The following PCDH17 variants were observed in gnomAD, a reference collection of about 807,000 sequenced individuals.
PCDH17 encodes protocadherin 17, also known as protocadherin-17.
In PCDH17, 21 loss-of-function variants were observed where a neutral mutation model predicts 67.7. That is an observed-to-expected ratio of 0.31 (90% CI 0.22 to 0.45). The LOEUF (loss-of-function observed/expected upper bound fraction) is 0.45, where lower values mean the gene tolerates loss of function less well. Ranked by LOEUF, PCDH17 falls within the 20% of genes least tolerant of loss-of-function variation. The pLI is 1.00. For missense variants in PCDH17, 1,471 were observed against 1,564.8 expected (o/e 0.94, Z 1.01); for synonymous variants, 701 against 656.7 (o/e 1.07, Z -1.03).
rs149817218 is a variant in PCDH17, at chr13:57,723,882, A to G, written c.2798-730A>G. 1.1e-4 allele frequency among the ~76,000 whole-genome samples: 16 copies of G among 152,334 alleles called. No individual in the cohort carries two copies. The East Asian group carries it at 2.9e-3, about 28-fold the overall frequency. ...GAAAGCATTATTATTTAAAATGGGA[A>G]ATCATGATTTGTCATTCATTCTGAC... On this transcript the variant is annotated intron_variant, in intron 3 of 3. Coordinates refer to ENST00000377918, the MANE Select transcript of PCDH17 (RefSeq NM_001040429.3).
intron 3 of PCDH17, among the ~76,000 whole-genome samples, chr13:57,676,023 G>A (rs1955387798): frequency 6.6e-6 from 1 of 151,820 alleles, no homozygotes. Context: ...CTTGAAATTA[G>A]TTTTTGGGAT....
In PCDH17 at chr13:57,726,036, A is replaced by T. The variant is rs1007850749; in HGVS notation, c.*742A>T. On this transcript the variant is annotated 3_prime_UTR_variant, in exon 4 of 4. Transcript: ENST00000377918. Reference sequence around the variant, plus strand: ...AATTCACGTCATTAAAGAAGAAGAAAACTTAAAGATTTAAAATGCCTATTT... The same window carrying T: ...AATTCACGTCATTAAAGAAGAAGAATACTTAAAGATTTAAAATGCCTATTT... 2.6e-5 allele frequency: 4 copies of T among 152,570 alleles called. No homozygotes were observed. The highest frequency in any genetic ancestry group is 9.6e-5 in the African/African-American group (4 of 41,468). 9.5% of individuals were successfully genotyped at this position (152,570 alleles called of 1,614,324 possible).
intron 3 of PCDH17, among the ~76,000 whole-genome samples, chr13:57,716,902 A>G (rs1048865372): frequency 6.6e-6 from 1 of 151,880 alleles, no homozygotes; most frequent in Admixed American, 6.6e-5. Context: ...TTTTTACCTT[A>G]TAAATTATTG....
At chr13:57,661,069 G>A (rs9591821) in intron 1 of PCDH17, among the ~76,000 whole-genome samples, 59,736 of 151,910 alleles carry the variant, frequency 0.39, 13,268 homozygotes, top group South Asian at 0.6. Flanking sequence ...TTTGACGTAA[G>A]AAATGGCCAG....
At chr13:57,685,694 C>T (rs915941648) in intron 3 of PCDH17, among the ~76,000 whole-genome samples, 2 of 151,838 alleles carry the variant, frequency 1.3e-5, no homozygotes, top group South Asian at 4.1e-4. Flanking sequence ...AAATTGTAAT[C>T]AATTTTATAT....
At chr13:57,709,330 C>T (rs1162141627) in intron 3 of PCDH17, among the ~76,000 whole-genome samples, 1 of 151,686 alleles carries the variant, frequency 6.6e-6, no homozygotes. Context: ...TTGTTCACAT[C>T]TTCTATCCAC....
intron 3 of PCDH17, among the ~76,000 whole-genome samples, chr13:57,686,324 C>A (rs1955507702): frequency 6.6e-6 from 1 of 151,832 alleles, no homozygotes; most frequent in South Asian, 2.1e-4. Flanking sequence ...AGGACTGAGA[C>A]CAAATTTTGC....
chr13:57,662,356 C>G (rs764843768), intron 1 of PCDH17, among the ~76,000 whole-genome samples: 5 of 152,100 alleles, frequency 3.3e-5, no homozygotes, highest in Non-Finnish European at 5.9e-5. Context: ...ATTTGGGGAT[C>G]CAAATTGTCT....
chr13:57,633,490 G>C lies in PCDH17; in HGVS notation c.944G>C (p.Gly315Ala). The C allele has an allele frequency of 3.1e-6, 5 of 1,613,900 alleles. No individual in the cohort carries two copies. Among genetic ancestry groups the C allele is most frequent in the Non-Finnish European group, 4.2e-6 (5 of 1,180,036 alleles). ...VKGNLDYEENGMLEIDVQARD... is the reference protein window; with the variant it reads ...VKGNLDYEENAMLEIDVQARD... ...GGCAATCTGGACTATGAGGAAAACG[G>C]GATGCTGGAGATTGACGTGCAGGCC... The change falls in exon 1 of 4, where the codon GGG becomes GCG. Residue 315 changes from glycine to alanine, a missense_variant. Around this residue, in one of 3 missense-constraint regions of PCDH17, gnomAD observed 1,163 missense variants for 1,230.0 expected, o/e 0.95. Transcript: ENST00000377918. The surrounding 1 kb of genome is among the most constrained non-coding windows in gnomAD (Gnocchi z 6.2).
At chr13:57,630,623 A>C (rs1954706363), upstream of PCDH17, among the ~76,000 whole-genome samples, 1 of 152,242 alleles carries the variant, frequency 6.6e-6, no homozygotes, top group Non-Finnish European at 1.5e-5. Context: ...CTTGTTTTCC[A>C]GAACCTCGGA....
intron 1 of PCDH17, among the ~76,000 whole-genome samples, chr13:57,658,813 T>C (rs770536383): frequency 2.9e-4 from 38 of 132,686 alleles, no homozygotes; most frequent in Non-Finnish European, 3.6e-4. Flanking sequence ...GGATTCTTGC[T>C]GTGTCGCCCA....
rs542622526 is a variant in PCDH17 at position 57,634,799 on chromosome 13, G to A, written c.2253G>A (p.Gln751=). ...GCATCGCCGAGTACAGCCACCCGCA[G>A]CTGGGTGGGGGCAAGGGCAAGAAGA... The part of the protein sequence containing the change: ...NCRIAEYSHP[Q]LGGGKGKKKK... The change falls in exon 1 of 4, where the codon CAG becomes CAA. Residue 751 remains glutamine, a synonymous_variant. Coordinates refer to ENST00000377918, the MANE Select transcript of PCDH17 (RefSeq NM_001040429.3). The surrounding 1 kb of genome is among the most constrained non-coding windows in gnomAD (Gnocchi z 7.8). 205 of 1,614,048 alleles carry A rather than the reference G, an allele frequency of 1.3e-4. 1 individual carries two copies. In the Middle Eastern group the frequency reaches 1.5e-3, roughly 12 times the overall value.
upstream of PCDH17, among the ~76,000 whole-genome samples, chr13:57,631,358 G>C (rs1443452118): frequency 6.6e-6 from 1 of 152,156 alleles, no homozygotes; most frequent in East Asian, 1.9e-4. Flanking sequence ...CAAGGACTGG[G>C]AGGGAGGCTC....
chr13:57,697,576 A>G (rs1435274289), intron 3 of PCDH17, among the ~76,000 whole-genome samples: 1 of 151,176 alleles, frequency 6.6e-6, no homozygotes, highest in African/African-American at 2.4e-5. Flanking sequence ...TTACTACCAA[A>G]AGTTAAACTG....
At chr13:57,635,359 G>T (rs1954809076) in intron 1 of PCDH17, among the ~76,000 whole-genome samples, 1 of 151,584 alleles carries the variant, frequency 6.6e-6, no homozygotes, top group African/African-American at 2.4e-5. Flanking sequence ...ATTTTTATAG[G>T]TTTAAAAATG....
chr13:57,648,918 C>T (rs1203696313), intron 1 of PCDH17, among the ~76,000 whole-genome samples: 1 of 151,912 alleles, frequency 6.6e-6, no homozygotes, highest in African/African-American at 2.4e-5. Context: ...ATTTTTATGT[C>T]TCTACTCAGA....
intron 3 of PCDH17, among the ~76,000 whole-genome samples, chr13:57,700,898 G>A (rs1593938048): frequency 1.3e-5 from 2 of 152,176 alleles, no homozygotes; most frequent in African/African-American, 2.4e-5. Context: ...GCCTGGTGAT[G>A]TGTGCTTGTA....
intron 3 of PCDH17, among the ~76,000 whole-genome samples, chr13:57,675,026 C>T (rs1016431039): frequency 2.6e-5 from 4 of 151,858 alleles, no homozygotes; most frequent in African/African-American, 9.7e-5. Flanking sequence ...AAGCCATTCC[C>T]GTAACACACA....
intron 1 of PCDH17, among the ~76,000 whole-genome samples, chr13:57,659,658 C>G (rs1955159112): frequency 6.6e-6 from 1 of 152,064 alleles, no homozygotes; most frequent in Non-Finnish European, 1.5e-5. Context: ...ATTTCAGAGG[C>G]TAACCGTTTT....
Sources: allele counts gnomAD v4.1 joint callset (sites outside exome capture counted in the v4.1 genomes callset), GRCh38; gene constraint gnomAD v4.1.1; regional missense constraint gnomAD v4.1.1; non-coding constraint Gnocchi (gnomAD v3.1); transcripts MANE v1.5; gene names NCBI Gene and HGNC (gene_info 2026-07-23, HGNC 2026-07-21).